TBC1D22A: variants seen among roughly 807,000 people sequenced by gnomAD.
TBC1D22A encodes the protein TBC1 domain family member 22A.
Under a neutral mutation model 60.2 loss-of-function variants are expected in TBC1D22A, and 38 were observed. That is an observed-to-expected ratio of 0.63 (90% CI 0.49 to 0.83). The LOEUF is 0.83. Among genes scored for constraint, TBC1D22A ranks in the 40% least tolerant of loss-of-function variants. TBC1D22A has a pLI of 0.00. For synonymous variants in TBC1D22A, 302 were observed against 281.7 expected (o/e 1.07, Z -0.72); for missense variants, 628 against 701.0 (o/e 0.90, Z 1.18).
chr22:47,100,421 ATGAAGCCCTGGGGCACAGGGG>A (rs767953436), intron 11 of TBC1D22A, among the ~76,000 whole-genome samples: 1 of 151,208 alleles, frequency 6.6e-6, no homozygotes, highest in Non-Finnish European at 1.5e-5. Flanking sequence ...GAGAGCAGGG[ATGAAGCCCTGGGGCACAGGGG>A]TGAGGCCTCG....
Position 46,915,721 on chromosome 22 carries a change from G to T in TBC1D22A, c.1015+3533G>T, listed in dbSNP as rs141201039. The T allele has an allele frequency of 4.7e-3, 2,136 of 456,668 alleles. 56 individuals are homozygous for T. Among genetic ancestry groups the T allele is most frequent in the African/African-American group, 0.039 (1,960 of 50,172 alleles). The allele number at this position is 456,668 out of a possible 1,614,324, so 28.3% of individuals were successfully genotyped here. A position where few individuals can be genotyped will look rare whatever the true frequency, so the allele number is the denominator to read the frequency against. On this transcript the variant is annotated intron_variant, in intron 8 of 12. Coordinates refer to ENST00000337137, the MANE Select transcript of TBC1D22A (RefSeq NM_014346.5). ...GATCTGTGATGCCTGAGTGGGAGCT[G>T]GGCTCTTTCTGGGGATGTGTGTTCG...
intron 4 of TBC1D22A, among the ~76,000 whole-genome samples, chr22:46,845,639 C>T (rs530517118): frequency 1.3e-5 from 2 of 152,278 alleles, no homozygotes; most frequent in East Asian, 3.9e-4. Context: ...TCATATCTAT[C>T]ATTTAATTGT....
In TBC1D22A at chr22:46,900,797, G is replaced by A. The variant is rs975422724; in HGVS notation, c.900+5951G>A. 2.0e-5 allele frequency among the ~76,000 whole-genome samples: 3 copies of A among 152,238 alleles called. No homozygotes were observed. The South Asian group carries it at 6.2e-4, about 32-fold the overall frequency. ...TGTGTCTGTCTGTGCACCCGTTGAC[G>A]GACACTGGAGTTCTTTCTAATTTTT... is the stretch of plus-strand genomic sequence containing the variant. On this transcript the variant is annotated intron_variant, in intron 7 of 12. Coordinates refer to ENST00000337137, the MANE Select transcript of TBC1D22A (RefSeq NM_014346.5).
At chr22:46,877,681 A>G (rs1170515382) in intron 4 of TBC1D22A, among the ~76,000 whole-genome samples, 2 of 152,252 alleles carry the variant, frequency 1.3e-5, no homozygotes, top group African/African-American at 4.8e-5. Context: ...ATATTAGCAA[A>G]GTCTTCTCTT....
chr22:46,945,301 T>C (rs1294999113), intron 8 of TBC1D22A, among the ~76,000 whole-genome samples: 1 of 152,226 alleles, frequency 6.6e-6, no homozygotes, highest in Non-Finnish European at 1.5e-5. Flanking sequence ...CGCTTATTGC[T>C]GGGGGCTGTA....
At chr22:46,804,757 C>G (rs776646922) in intron 4 of TBC1D22A, among the ~76,000 whole-genome samples, 1 of 152,146 alleles carries the variant, frequency 6.6e-6, no homozygotes, top group Non-Finnish European at 1.5e-5. Context: ...TTTCACTGTT[C>G]CTTCAGGTGA....
At chr22:46,902,777 A>C (rs1397194647) in intron 7 of TBC1D22A, among the ~76,000 whole-genome samples, 4 of 152,382 alleles carry the variant, frequency 2.6e-5, no homozygotes, top group African/African-American at 9.6e-5. Flanking sequence ...CCCGAAGAAC[A>C]CCAGCAGACA....
At chr22:47,048,843 G>A (rs1303253452) in intron 11 of TBC1D22A, among the ~76,000 whole-genome samples, 1 of 152,198 alleles carries the variant, frequency 6.6e-6, no homozygotes, top group Admixed American at 6.5e-5. Context: ...GGACCCTTTG[G>A]ACATCGCAGC....
intron 8 of TBC1D22A, among the ~76,000 whole-genome samples, chr22:46,942,760 A>G (rs543673274): frequency 1.3e-5 from 2 of 152,312 alleles, no homozygotes; most frequent in African/African-American, 4.8e-5. Context: ...GCTTTCTATT[A>G]CTTTGCTGTT....
chr22:47,037,000 A>G, intron 10 of TBC1D22A, 71 bp from the exon 11 acceptor site: 1 of 1,597,850 alleles, frequency 6.3e-7, no homozygotes, highest in South Asian at 1.1e-5. Flanking sequence ...CTTGGGGGAC[A>G]AGTGACCTGG....
At chr22:47,048,681 C>T (rs1337419441) in intron 11 of TBC1D22A, among the ~76,000 whole-genome samples, 1 of 152,220 alleles carries the variant, frequency 6.6e-6, no homozygotes, top group Non-Finnish European at 1.5e-5. Flanking sequence ...CAGGCCCCTC[C>T]TGCATTGCTT....
chr22:46,890,558 C>T (rs1478896564), intron 5 of TBC1D22A, among the ~76,000 whole-genome samples: 2 of 152,010 alleles, frequency 1.3e-5, no homozygotes, highest in East Asian at 3.9e-4. Context: ...TTTTGGTATC[C>T]CCCATAGATA....
chr22:47,051,231 CTAAA>C (rs1469826758), intron 11 of TBC1D22A, among the ~76,000 whole-genome samples: 1 of 152,168 alleles, frequency 6.6e-6, no homozygotes, highest in Non-Finnish European at 1.5e-5. Context: ...GTTGTTGTCT[CTAAA>C]TACGTAAACC....
chr22:46,978,024 AAG>A (rs753214514), intron 9 of TBC1D22A, among the ~76,000 whole-genome samples: 3 of 152,250 alleles, frequency 2.0e-5, no homozygotes, highest in Non-Finnish European at 2.9e-5. Context: ...CTTAACAGCA[AAG>A]AGAGGTCCTC....
chr22:47,162,661 C>T lies in TBC1D22A; in HGVS notation c.1426-10837C>T, dbSNP rs993387617. Among the ~76,000 whole-genome samples, 112 of 54,140 alleles carry T rather than the reference C, an allele frequency of 2.1e-3. 1 individual carries two copies. The highest frequency in any genetic ancestry group is 5.1e-3 in the African/African-American group (107 of 20,872). 35.5% of individuals were successfully genotyped at this position (54,140 alleles called of 152,430 possible). A position where few individuals can be genotyped will look rare whatever the true frequency, so the allele number is the denominator to read the frequency against. On this transcript the variant is annotated intron_variant, in intron 12 of 12. Coordinates refer to ENST00000337137, the MANE Select transcript of TBC1D22A (RefSeq NM_014346.5). ...AGGGAGAGTCGTGGGAATGGGACTGCGGACCCGGTGCAGGGAGAGTCGTGG... is the reference window on the plus strand; with the variant it reads ...AGGGAGAGTCGTGGGAATGGGACTGTGGACCCGGTGCAGGGAGAGTCGTGG...
intron 8 of TBC1D22A, among the ~76,000 whole-genome samples, chr22:46,931,812 C>T (rs531243504): frequency 3.3e-5 from 5 of 152,180 alleles, no homozygotes; most frequent in African/African-American, 4.8e-5. Flanking sequence ...CTTCATTTTT[C>T]GTGTAGTTTT....
At chr22:46,864,890 G>T (rs2066978938) in intron 4 of TBC1D22A, among the ~76,000 whole-genome samples, 1 of 152,186 alleles carries the variant, frequency 6.6e-6, no homozygotes, top group Non-Finnish European at 1.5e-5. Flanking sequence ...GACCGAGTGA[G>T]TGAGGAACTC....
At chr22:47,130,862 A>G (rs564048263) in intron 12 of TBC1D22A, among the ~76,000 whole-genome samples, 50 of 152,316 alleles carry the variant, frequency 3.3e-4, no homozygotes, top group African/African-American at 1.1e-3. Context: ...CATTGCTATA[A>G]AGGAACACCC....
intron 8 of TBC1D22A, among the ~76,000 whole-genome samples, chr22:46,944,838 T>C (rs2072430371): frequency 6.6e-6 from 1 of 152,240 alleles, no homozygotes; most frequent in Non-Finnish European, 1.5e-5. Context: ...TTTTGTTGGT[T>C]AGAGGAAAAA....
Sources: gnomAD v4.1 joint callset for allele counts (sites outside exome capture counted in the v4.1 genomes callset) on GRCh38, gnomAD v4.1.1 for gene constraint, MANE v1.5 for transcripts, NCBI Gene and HGNC (gene_info 2026-07-23, HGNC 2026-07-21) for gene names.